The following STRIP2 variants were observed in gnomAD, a reference collection of about 807,000 sequenced individuals.
STRIP2 encodes the protein striatin interacting protein 2, also known as striatin-interacting protein 2.
In STRIP2, 84 loss-of-function variants were observed where a neutral mutation model predicts 107.1. That is an observed-to-expected ratio of 0.78 (90% CI 0.66 to 0.94). The LOEUF (loss-of-function observed/expected upper bound fraction) is 0.94. STRIP2 is among the 40% of genes least tolerant of loss of function. The probability of loss-of-function intolerance (pLI) is 0.00; values close to 1 mark genes in which losing one functional copy is unlikely to be tolerated. For missense variants in STRIP2, 888 were observed against 1,034.2 expected (o/e 0.86, Z 1.94); for synonymous variants, 394 against 400.4 (o/e 0.98, Z 0.19).
chr7:129,437,899 G>A (rs570644072), intron 1 of STRIP2, among the ~76,000 whole-genome samples: 2 of 149,780 alleles, frequency 1.3e-5, no homozygotes, highest in South Asian at 2.1e-4. Context: ...TCTGCCTCCC[G>A]GGTTCACGCC....
intron 18 of STRIP2, among the ~76,000 whole-genome samples, chr7:129,471,474 G>T (rs1798787168): frequency 6.6e-6 from 1 of 152,158 alleles, no homozygotes; most frequent in Non-Finnish European, 1.5e-5. Flanking sequence ...CTAGCACTTT[G>T]TCTGGTACAT....
chr7:129,476,720 A>T (rs529923390), intron 18 of STRIP2, among the ~76,000 whole-genome samples: 1 of 151,650 alleles, frequency 6.6e-6, no homozygotes, highest in East Asian at 2.0e-4. Context: ...GGCTCCTTGC[A>T]TCCCAGACGA....
chr7:129,434,843 G>A (rs1797689182), intron 1 of STRIP2, among the ~76,000 whole-genome samples: 1 of 152,268 alleles, frequency 6.6e-6, no homozygotes, highest in Non-Finnish European at 1.5e-5. Context: ...GCGCGAAGAT[G>A]AGCGCGGTAT....
intron 18 of STRIP2, among the ~76,000 whole-genome samples, chr7:129,471,762 G>A (rs1020450658): frequency 2.0e-5 from 3 of 152,064 alleles, no homozygotes; most frequent in Non-Finnish European, 2.9e-5. Context: ...CTCCTCATAG[G>A]TGACAGAGCC....
chr7:129,469,299 T>C lies in STRIP2; in HGVS notation c.1878-1350T>C, dbSNP rs868668246. 3.3e-5 allele frequency among the ~76,000 whole-genome samples: 5 copies of C among 152,400 alleles called. 1 individual carries two copies. The highest frequency in any genetic ancestry group is 6.8e-3 in the Middle Eastern group (2 of 294). On this transcript the variant is annotated intron_variant, in intron 17 of 20. Coordinates refer to ENST00000249344, the MANE Select transcript of STRIP2 (RefSeq NM_020704.3). ...ACCATCTGTAAGTTTTACTTTTGAA[T>C]GATCTCTGAGAACTTGGAGATCACA...
chr7:129,452,867 A>G (rs1798233873), intron 4 of STRIP2, among the ~76,000 whole-genome samples: 1 of 152,142 alleles, frequency 6.6e-6, no homozygotes, highest in East Asian at 1.9e-4. Context: ...ACTGTTTCCA[A>G]ATTATCCCCT....
At chr7:129,473,174 G>T (rs1316887788) in intron 18 of STRIP2, among the ~76,000 whole-genome samples, 1 of 152,050 alleles carries the variant, frequency 6.6e-6, no homozygotes, top group Non-Finnish European at 1.5e-5. Flanking sequence ...AAACAGAAAA[G>T]TATGAGGAAG....
intron 2 of STRIP2, among the ~76,000 whole-genome samples, chr7:129,442,231 T>C (rs1311074243): frequency 6.6e-6 from 1 of 151,806 alleles, no homozygotes; most frequent in Non-Finnish European, 1.5e-5. Flanking sequence ...TCTCAAATAA[T>C]AATAATAATA....
rs748826780 is a variant in STRIP2, at chr7:129,434,463, G to A, written c.-10G>A. The A allele has an allele frequency of 1.1e-5, 17 of 1,506,574 alleles. No homozygotes were observed. Among genetic ancestry groups the A allele is most frequent in the Middle Eastern group, 2.3e-4 (1 of 4,306 alleles). The allele number at this position is 1,506,574 out of a possible 1,614,324, so 93.3% of individuals were successfully genotyped here. A position where few individuals can be genotyped will look rare whatever the true frequency, so the allele number is the denominator to read the frequency against. ...GAGCTGAACCCTGAGGGGAGCCGCT[G>A]ACCAGCAGCATGGAGGACCCCGCCG... On this transcript the variant is annotated 5_prime_UTR_variant, in exon 1 of 21. Coordinates refer to ENST00000249344, the MANE Select transcript of STRIP2 (RefSeq NM_020704.3).
In STRIP2 at chr7:129,454,123, T is replaced by C; in HGVS notation, c.531-19T>C. The C allele has an allele frequency of 6.2e-7, 1 of 1,613,352 alleles. No homozygotes were observed. Among genetic ancestry groups the C allele is most frequent in the Admixed American group, 1.7e-5 (1 of 60,000 alleles). On this transcript the variant is annotated intron_variant, in intron 5 of 20. Coordinates refer to ENST00000249344, the MANE Select transcript of STRIP2 (RefSeq NM_020704.3). ...AAGAAGTCTTATGCATTCCTGTTCT[T>C]TTTCTCCTCCCCTGGCAGCAACAGC...
intron 18 of STRIP2, among the ~76,000 whole-genome samples, chr7:129,479,104 A>G (rs140739555): frequency 0.029 from 4,392 of 152,106 alleles, 129 homozygotes; most frequent in Admixed American, 0.043. Context: ...GAGAAACCCC[A>G]TCTCTACCAA....
chr7:129,479,737 C>T (rs1799070460), intron 18 of STRIP2, among the ~76,000 whole-genome samples: 1 of 152,098 alleles, frequency 6.6e-6, no homozygotes, highest in East Asian at 1.9e-4. Context: ...GGTCATCTGC[C>T]TGCCTCGGCC....
chr7:129,458,924 G>A lies in STRIP2; in HGVS notation c.1340+147G>A. ...GGACAACTCCCAGTGACTACTTTGG[G>A]TTCTTTCTATGGATTTCTTTTTTCC... On this transcript the variant is annotated intron_variant, in intron 11 of 20. Transcript: ENST00000249344. The surrounding 1 kb of genome is among the most constrained non-coding windows in gnomAD (Gnocchi z 4.6). 1 of 678,966 alleles carries A rather than the reference G, an allele frequency of 1.5e-6. No individual in the cohort carries two copies. The highest frequency in any genetic ancestry group is 2.5e-6 in the Non-Finnish European group (1 of 398,952). 42.1% of individuals were successfully genotyped at this position (678,966 alleles called of 1,614,324 possible). A position where few individuals can be genotyped will look rare whatever the true frequency, so the allele number is the denominator to read the frequency against.
intron 17 of STRIP2, among the ~76,000 whole-genome samples, chr7:129,469,333 T>C (rs1218928985): frequency 1.3e-5 from 2 of 152,258 alleles, no homozygotes; most frequent in Non-Finnish European, 2.9e-5. Flanking sequence ...CAGCTCATTA[T>C]TGCAGAATTT....
intron 3 of STRIP2, among the ~76,000 whole-genome samples, chr7:129,446,237 G>C (rs530630843): frequency 1.3e-5 from 2 of 152,272 alleles, no homozygotes; most frequent in South Asian, 4.2e-4. Flanking sequence ...CTATCCACTT[G>C]ATTATTAAAC....
chr7:129,482,055 G>A (rs1029538074), intron 19 of STRIP2, among the ~76,000 whole-genome samples: 3 of 152,016 alleles, frequency 2.0e-5, no homozygotes, highest in South Asian at 4.2e-4. Context: ...GGGAGGCTGA[G>A]GCAGGAGAAT....
chr7:129,475,548 TTTTTC>T (rs2151014814), intron 18 of STRIP2, among the ~76,000 whole-genome samples: 1 of 134,372 alleles, frequency 7.4e-6, no homozygotes, highest in Admixed American at 8.0e-5. Context: ...TGACTCTTTT[TTTTTC>T]TTTTTTTTTT....
chr7:129,465,186 T>C (rs910128491), intron 16 of STRIP2, among the ~76,000 whole-genome samples: 2 of 152,114 alleles, frequency 1.3e-5, no homozygotes, highest in African/African-American at 4.8e-5. Flanking sequence ...AGGATACAGA[T>C]ATATAAGTAG....
chr7:129,435,558 A>G (rs1294679179), intron 1 of STRIP2, among the ~76,000 whole-genome samples: 1 of 151,804 alleles, frequency 6.6e-6, no homozygotes, highest in Non-Finnish European at 1.5e-5. Context: ...CCAGGTTTTG[A>G]CTCCTAGCCC....
Sources: gnomAD v4.1 joint callset for allele counts (sites outside exome capture counted in the v4.1 genomes callset) on GRCh38, gnomAD v4.1.1 for gene constraint, Gnocchi (gnomAD v3.1) non-coding constraint, MANE v1.5 for transcripts, NCBI Gene and HGNC (gene_info 2026-07-23, HGNC 2026-07-21) for gene names.